CLIC5: variants seen among roughly 807,000 people sequenced by gnomAD.
The protein encoded by CLIC5 is chloride intracellular channel protein 5.
A neutral mutation model predicts 24.7 loss-of-function variants in CLIC5; 20 were observed. The observed-to-expected ratio is 0.81, with a 90% CI of 0.57 to 1.18. The LOEUF (loss-of-function observed/expected upper bound fraction) is 1.18. CLIC5 is among the 50% of genes most tolerant of loss of function. The probability of loss-of-function intolerance (pLI) is 0.00; values close to 1 mark genes in which losing one functional copy is unlikely to be tolerated. For synonymous variants in CLIC5, 159 were observed against 135.6 expected, an observed-to-expected ratio of 1.17 and a Z score of -1.20; for missense variants, 341 against 326.1, an observed-to-expected ratio of 1.05 and a Z score of -0.35.
chr6:46,101,680 C>G, the CLIC5 span, among the ~76,000 whole-genome samples: 27 of 152,186 alleles, frequency 1.8e-4, no homozygotes, highest in Non-Finnish European at 3.8e-4. Context: ...AGAGAACTTA[C>G]TTTTGGCTTG....
chr6:46,048,935 C>G (rs1768031017), intron 1 of CLIC5, among the ~76,000 whole-genome samples: 2 of 152,160 alleles, frequency 1.3e-5, no homozygotes, highest in Non-Finnish European at 2.9e-5. Flanking sequence ...CAGACAAAAT[C>G]TAATTTGAGA....
At chr6:46,080,384 G>A, upstream of CLIC5, 1 of 641,508 alleles carries the variant, frequency 1.6e-6, no homozygotes, top group Non-Finnish European at 2.7e-6. Flanking sequence ...TCAATGACAG[G>A]TCTCTAACAA....
chr6:46,081,261 T>A (rs1442156963), upstream of CLIC5, among the ~76,000 whole-genome samples: 1 of 152,216 alleles, frequency 6.6e-6, no homozygotes, highest in Non-Finnish European at 1.5e-5. Context: ...TGGTACTCTA[T>A]CCTGCTAATT....
chr6:46,013,223 C>G (rs1766868302), intron 1 of CLIC5, among the ~76,000 whole-genome samples: 1 of 152,226 alleles, frequency 6.6e-6, no homozygotes. Flanking sequence ...CCCTGCCCTG[C>G]AGAAAGAGCT....
upstream of CLIC5, among the ~76,000 whole-genome samples, chr6:46,016,394 A>C (rs1408393123): frequency 2.0e-5 from 3 of 152,034 alleles, no homozygotes; most frequent in Non-Finnish European, 2.9e-5. Context: ...GGGCTAAGCA[A>C]AAGGAGAGTA....
chr6:45,886,949 C>A lies in CLIC5; in HGVS notation c.624-5761G>T, dbSNP rs556321270. On this transcript the variant is annotated intron_variant, in intron 6 of 6. Transcript: ENST00000644324. Reference sequence around the variant, plus strand: ...CCTGTGTCCACTCAGTGCATAGGATCTGGAATGTTTCTAGATGATGCCAGA... The same window carrying A: ...CCTGTGTCCACTCAGTGCATAGGATATGGAATGTTTCTAGATGATGCCAGA... 2.0e-5 allele frequency among the ~76,000 whole-genome samples: 3 copies of A among 152,288 alleles called. No homozygotes were observed. In the East Asian group the frequency reaches 5.8e-4, roughly 29 times the overall value.
At chr6:45,998,380 A>ACCTT (rs1766228776) in intron 1 of CLIC5, among the ~76,000 whole-genome samples, 1 of 152,158 alleles carries the variant, frequency 6.6e-6, no homozygotes, top group African/African-American at 2.4e-5. Flanking sequence ...GTAAATATCA[A>ACCTT]GGGAATGATT....
chr6:45,996,015 G>A (rs538259553), intron 1 of CLIC5, among the ~76,000 whole-genome samples: 1 of 152,058 alleles, frequency 6.6e-6, no homozygotes, highest in African/African-American at 2.4e-5. Flanking sequence ...GCTAATGCAT[G>A]CTGGGCTTCA....
chr6:45,906,590 T>G (rs1354610965), intron 5 of CLIC5, among the ~76,000 whole-genome samples: 3 of 151,498 alleles, frequency 2.0e-5, no homozygotes, highest in Non-Finnish European at 4.4e-5. Flanking sequence ...GAGATGGAGT[T>G]TCGCTCTTGT....
intron 1 of CLIC5, among the ~76,000 whole-genome samples, chr6:45,976,437 G>T (rs1162672456): frequency 6.6e-6 from 1 of 152,176 alleles, no homozygotes; most frequent in Non-Finnish European, 1.5e-5. Flanking sequence ...AAACTGGGAA[G>T]GTCCCTGGAA....
chr6:46,070,087 C>T (rs10948276), intron 1 of CLIC5, among the ~76,000 whole-genome samples: 58,048 of 151,948 alleles, frequency 0.38, 11,340 homozygotes, highest in East Asian at 0.62. Flanking sequence ...ATAATAAGAG[C>T]CATCTGTGAC....
chr6:46,086,105 G>A, the CLIC5 span, among the ~76,000 whole-genome samples: 1 of 152,244 alleles, frequency 6.6e-6, no homozygotes, highest in Admixed American at 6.5e-5. Flanking sequence ...GAAAAGCGCA[G>A]TATTAGGGTG....
chr6:45,904,639 T>TCCTTCCTTCCCTCCCTCC (rs1554143218), intron 5 of CLIC5, among the ~76,000 whole-genome samples: 3 of 135,270 alleles, frequency 2.2e-5, no homozygotes, highest in East Asian at 4.6e-4. Flanking sequence ...CCCTCCCTCT[T>TCCTTCCTTCCCTCCCTCC]TTCTGTCCCT....
chr6:46,039,583 T>C (rs1245290750), intron 1 of CLIC5, among the ~76,000 whole-genome samples: 1 of 151,924 alleles, frequency 6.6e-6, no homozygotes, highest in Admixed American at 6.6e-5. Flanking sequence ...TTATTTTCAA[T>C]TAAAGAAGAA....
intron 1 of CLIC5, among the ~76,000 whole-genome samples, chr6:46,027,129 G>A (rs553180057): frequency 3.9e-4 from 60 of 152,252 alleles, no homozygotes; most frequent in Middle Eastern, 6.8e-3. Flanking sequence ...CATTGTGGGA[G>A]ACAGAACAAA....
chr6:45,966,603 C>T (rs1031528427), intron 1 of CLIC5, among the ~76,000 whole-genome samples: 3 of 152,152 alleles, frequency 2.0e-5, no homozygotes, highest in African/African-American at 7.2e-5. Flanking sequence ...GTGTGACGGG[C>T]TGGACCAACC....
the CLIC5 span, among the ~76,000 whole-genome samples, chr6:46,090,164 A>G: frequency 6.6e-6 from 1 of 152,260 alleles, no homozygotes; most frequent in Non-Finnish European, 1.5e-5. Flanking sequence ...ATTGAAGCTG[A>G]TGGCAGATAA....
the CLIC5 span, among the ~76,000 whole-genome samples, chr6:46,091,865 T>C: frequency 6.6e-6 from 1 of 152,238 alleles, no homozygotes; most frequent in Non-Finnish European, 1.5e-5. Flanking sequence ...ATCCTTTAGA[T>C]ATATAGCCAG....
intron 5 of CLIC5, among the ~76,000 whole-genome samples, chr6:45,907,000 T>A (rs537641102): frequency 6.6e-6 from 1 of 152,344 alleles, no homozygotes; most frequent in Non-Finnish European, 1.5e-5. Flanking sequence ...TTTTCCTATT[T>A]GTATGCCTTT....
Sources: gnomAD v4.1 joint callset for allele counts (sites outside exome capture counted in the v4.1 genomes callset) on GRCh38, gnomAD v4.1.1 for gene constraint, MANE v1.5 for transcripts, NCBI Gene and HGNC (gene_info 2026-07-23, HGNC 2026-07-21) for gene names.